FMNL2: variants seen among roughly 807,000 people sequenced by gnomAD.
FMNL2 encodes formin-like protein 2.
In FMNL2, 51 loss-of-function variants were observed where a neutral mutation model predicts 130.2. The observed-to-expected ratio is 0.39, with a 90% confidence interval of 0.31 to 0.49. The LOEUF is 0.49. FMNL2 is among the 20% of genes least tolerant of loss of function. The pLI, the probability that FMNL2 is intolerant of heterozygous loss-of-function variation, is 0.85. For missense variants in FMNL2, 977 were observed against 1,316.2 expected (o/e 0.74, Z 3.99); for synonymous variants, 465 against 467.1 (o/e 1.00, Z 0.06).
intron 1 of FMNL2, among the ~76,000 whole-genome samples, chr2:152,362,210 T>C (rs1030970868): frequency 1.3e-5 from 2 of 152,178 alleles, no homozygotes; most frequent in African/African-American, 4.8e-5. Flanking sequence ...ATTGTTTGAC[T>C]CTCGGGATGG....
chr2:152,335,622 A>G lies in FMNL2; in HGVS notation c.19A>G (p.Met7Val). The change falls in exon 1 of 26, where the codon ATG (methionine) becomes GTG (valine). Residue 7 changes from methionine (M) to valine (V), a missense_variant. Coordinates refer to ENST00000288670, the MANE Select transcript of FMNL2 (RefSeq NM_052905.4). MGNAGS[M>V]DSQQTDFRAH... Reference sequence around the variant, plus strand: ...CGCCGACATGGGCAACGCAGGGAGCATGGATTCGCAGCAGACCGATTTCAG... The same window carrying G: ...CGCCGACATGGGCAACGCAGGGAGCGTGGATTCGCAGCAGACCGATTTCAG... The G allele has an allele frequency of 6.3e-7, 1 of 1,590,918 alleles. No individual in the cohort carries two copies. Among genetic ancestry groups the G allele is most frequent in the South Asian group, 1.1e-5 (1 of 89,806 alleles).
intron 1 of FMNL2, among the ~76,000 whole-genome samples, chr2:152,384,996 T>C (rs1459098362): frequency 6.6e-6 from 1 of 152,204 alleles, no homozygotes; most frequent in Non-Finnish European, 1.5e-5. Context: ...AAGAATTCTT[T>C]TTTAGCAAGA....
chr2:152,547,667 C>T (rs754464897), intron 3 of FMNL2, among the ~76,000 whole-genome samples: 16 of 152,134 alleles, frequency 1.1e-4, no homozygotes, highest in African/African-American at 4.8e-5. Flanking sequence ...CTCTTGCCAC[C>T]CCACATTCTG....
intron 1 of FMNL2, among the ~76,000 whole-genome samples, chr2:152,403,222 GA>G (rs58474447): frequency 0.17 from 19,466 of 116,532 alleles, 1,390 homozygotes; most frequent in East Asian, 0.23. Context: ...ACTGTAAACT[GA>G]AAAAAAAAAA....
chr2:152,637,753 C>T, intron 23 of FMNL2, 79 bp downstream of exon 23: 3 of 1,268,844 alleles, frequency 2.4e-6, no homozygotes, highest in Non-Finnish European at 2.3e-6. Flanking sequence ...CAACTCTCTG[C>T]AGAGGCCTCC....
chr2:152,458,148 A>AGGG (rs1326384063), intron 1 of FMNL2, among the ~76,000 whole-genome samples: 2 of 152,208 alleles, frequency 1.3e-5, no homozygotes, highest in African/African-American at 4.8e-5. Context: ...CTATCAAAGA[A>AGGG]GGGGGGCTTG....
intron 1 of FMNL2, among the ~76,000 whole-genome samples, chr2:152,388,004 G>A (rs1684880886): frequency 6.6e-6 from 1 of 151,944 alleles, no homozygotes. Flanking sequence ...AGGCTTCATT[G>A]TCCTGCTGAT....
At chr2:152,358,839 G>T (rs1682995934) in intron 1 of FMNL2, among the ~76,000 whole-genome samples, 1 of 152,112 alleles carries the variant, frequency 6.6e-6, no homozygotes, top group African/African-American at 2.4e-5. Context: ...TGATGCACAG[G>T]TATAAATTTC....
intron 6 of FMNL2, among the ~76,000 whole-genome samples, chr2:152,573,890 A>G (rs1389600030): frequency 3.3e-5 from 5 of 152,180 alleles, no homozygotes; most frequent in African/African-American, 1.2e-4. Flanking sequence ...GTGTTATGTC[A>G]TATTAAATGT....
In FMNL2 at chr2:152,581,639, C is replaced by G. The variant is rs535360525; in HGVS notation, c.876+590C>G. Reference sequence around the variant, plus strand: ...TATCCAAACATCACCGCCGCGGGCCCTGCCCCAGTGTATCCAAACATCACC... The same window carrying G: ...TATCCAAACATCACCGCCGCGGGCCGTGCCCCAGTGTATCCAAACATCACC... On this transcript the variant is annotated intron_variant, in intron 9 of 25. Transcript: ENST00000288670. Among the ~76,000 whole-genome samples the G allele has an allele frequency of 4.0e-4, 61 of 152,202 alleles. 1 individual carries two copies. Among genetic ancestry groups the G allele is most frequent in the Non-Finnish European group, 7.9e-4 (54 of 68,008 alleles).
intron 1 of FMNL2, among the ~76,000 whole-genome samples, chr2:152,361,741 G>A (rs963418687): frequency 6.6e-6 from 1 of 151,932 alleles, no homozygotes; most frequent in African/African-American, 2.4e-5. Flanking sequence ...CCCACCATCC[G>A]CAAACTAGAT....
Position 152,521,925 on chromosome 2 carries a change from T to A in FMNL2, c.118-18T>A. The A allele has an allele frequency of 6.2e-7, 1 of 1,602,900 alleles. No individual in the cohort carries two copies. Among genetic ancestry groups the A allele is most frequent in the South Asian group, 1.1e-5 (1 of 90,766 alleles). ...TGTGGAATGTGACATCTTTTCTCTC[T>A]TTATTTTTTTTAAACAGAATGCTAT... On this transcript the variant is annotated intron_variant, in intron 1 of 25. Coordinates refer to ENST00000288670, the MANE Select transcript of FMNL2 (RefSeq NM_052905.4).
intron 4 of FMNL2, among the ~76,000 whole-genome samples, chr2:152,552,075 T>G (rs1446046171): frequency 6.6e-6 from 1 of 152,224 alleles, no homozygotes; most frequent in Non-Finnish European, 1.5e-5. Context: ...AGATAAGTTA[T>G]GTAAGTTTTC....
At chr2:152,388,267 T>G (rs1272665920) in intron 1 of FMNL2, among the ~76,000 whole-genome samples, 1 of 152,170 alleles carries the variant, frequency 6.6e-6, no homozygotes, top group African/African-American at 2.4e-5. Context: ...GTTCTCACAT[T>G]GCTAATAAAG....
chr2:152,361,049 CAA>C (rs1018217445), intron 1 of FMNL2, among the ~76,000 whole-genome samples: 1 of 152,102 alleles, frequency 6.6e-6, no homozygotes, highest in African/African-American at 2.4e-5. Flanking sequence ...AATTAAGACT[CAA>C]GAAGATACTG....
At chr2:152,539,033 A>G (rs1694160132) in intron 2 of FMNL2, among the ~76,000 whole-genome samples, 1 of 152,154 alleles carries the variant, frequency 6.6e-6, no homozygotes, top group East Asian at 1.9e-4. Context: ...GCAGTCTTCC[A>G]TTACCCACAC....
chr2:152,566,489 G>A (rs1188932818), intron 6 of FMNL2, among the ~76,000 whole-genome samples: 2 of 152,132 alleles, frequency 1.3e-5, no homozygotes, highest in Non-Finnish European at 2.9e-5. Flanking sequence ...GTAAGTGAAG[G>A]AGGCAGGATC....
At chr2:152,560,770 G>T (rs1695476641) in intron 5 of FMNL2, 113 bp from the exon 6 acceptor site, 2 of 947,470 alleles carry the variant, frequency 2.1e-6, no homozygotes, top group Non-Finnish European at 2.9e-6. Context: ...TGTTTACAAA[G>T]ACTTTCCATA....
At chr2:152,412,262 A>G (rs906071139) in intron 1 of FMNL2, among the ~76,000 whole-genome samples, 1 of 151,790 alleles carries the variant, frequency 6.6e-6, no homozygotes, top group Admixed American at 6.6e-5. Flanking sequence ...TTTATAAGCT[A>G]AATGAGAGGC....
Sources: allele counts gnomAD v4.1 joint callset (sites outside exome capture counted in the v4.1 genomes callset), GRCh38; gene constraint gnomAD v4.1.1; transcripts MANE v1.5; gene names NCBI Gene and HGNC (gene_info 2026-07-23, HGNC 2026-07-21).